Variants in KCNQ1OT1 observed in about 807,000 individuals in gnomAD.
KCNQ1OT1 encodes KCNQ1 antisense RNA 2 (non-protein coding).
At chr11:2,688,684 C>T (rs1166739249) in exon 1 of KCNQ1OT1, 7 of 398,990 alleles carry the variant, frequency 1.8e-5, no homozygotes, top group East Asian at 3.6e-5. Flanking sequence ...CCACACACCA[C>T]GTGCCTAGGC....
At chr11:2,685,166 C>T (rs1850462872) in exon 1 of KCNQ1OT1, 2 of 398,692 alleles carry the variant, frequency 5.0e-6, no homozygotes, top group Non-Finnish European at 8.8e-6. Context: ...GGAGAGGATC[C>T]CCATCTGCAT....
Position 2,612,520 on chromosome 11 carries a change from T to A in KCNQ1OT1, n.87475A>T, listed in dbSNP as rs1848998162. 2.5e-6 allele frequency: 1 copy of A among 398,516 alleles called. No homozygotes were observed. Among genetic ancestry groups the A allele is most frequent in the South Asian group, 1.3e-4 (1 of 7,862 alleles). 24.7% of individuals were successfully genotyped at this position (398,516 alleles called of 1,614,324 possible). ...GATTCTTTCTTCTGCCAGGTCAAAT[T>A]TGCTTAGCCGCACTAGTGAGTTTTT... is the stretch of plus-strand genomic sequence containing the variant. On this transcript the variant is annotated non_coding_transcript_exon_variant, in exon 1 of 1. Coordinates refer to ENST00000597346, the Ensembl canonical transcript of KCNQ1OT1. This position sits in a 1 kb window ranked among gnomAD's most constrained non-coding sequence, Gnocchi z 5.5.
Position 2,679,851 on chromosome 11 carries a change from A to AT in KCNQ1OT1, n.20143dup, listed in dbSNP as rs562062411. On this transcript the variant is annotated non_coding_transcript_exon_variant, in exon 1 of 1. Coordinates refer to ENST00000597346, the Ensembl canonical transcript of KCNQ1OT1. The surrounding 1 kb of genome is among the most constrained non-coding windows in gnomAD (Gnocchi z 4.8). ...TACTTCTGAATTTTATAGGACATGC[A>AT]TTTTTTTCATATAAACTTAGAACTA... is the stretch of plus-strand genomic sequence containing the variant. The AT allele has an allele frequency of 4.3e-5, 17 of 398,218 alleles. No homozygotes were observed. Among genetic ancestry groups the AT allele is most frequent in the Non-Finnish European group, 6.6e-5 (15 of 225,978 alleles). 24.7% of individuals were successfully genotyped at this position (398,218 alleles called of 1,614,324 possible).
exon 1 of KCNQ1OT1, chr11:2,641,208 C>A: frequency 2.5e-6 from 1 of 398,350 alleles, no homozygotes; most frequent in South Asian, 1.3e-4. Context: ...TGGATTATGT[C>A]ATATTTCTCT....
exon 1 of KCNQ1OT1, chr11:2,660,658 C>T (rs1849936156): frequency 2.5e-6 from 1 of 398,490 alleles, no homozygotes; most frequent in South Asian, 1.3e-4. Context: ...AGCAATGCCT[C>T]AGTTTTCATC....
chr11:2,615,237 A>C (rs1849042111), exon 1 of KCNQ1OT1: 3 of 397,988 alleles, frequency 7.5e-6, no homozygotes, highest in Admixed American at 4.4e-5. Flanking sequence ...ATTTTCTTAA[A>C]ATAAATGTTG....
exon 1 of KCNQ1OT1, chr11:2,619,954 T>C (rs1163563509): frequency 2.8e-6 from 1 of 351,030 alleles, no homozygotes; most frequent in Non-Finnish European, 4.9e-6. Flanking sequence ...GGAGTGTGGA[T>C]AAGCCTATCA....
At chr11:2,699,876 G>T in exon 1 of KCNQ1OT1, 2 of 395,862 alleles carry the variant, frequency 5.1e-6, no homozygotes, top group Non-Finnish European at 4.4e-6. Flanking sequence ...GTGCTGAGGA[G>T]CCCCGGGGAG....
At chr11:2,681,889 A>G in exon 1 of KCNQ1OT1, 1 of 398,596 alleles carries the variant, frequency 2.5e-6, no homozygotes. Context: ...AGGTGGGGAG[A>G]AAACACACCG....
Position 2,618,655 on chromosome 11 carries a change from T to C in KCNQ1OT1, n.81340A>G, listed in dbSNP as rs1301400195. 4 of 398,494 alleles carry C rather than the reference T, an allele frequency of 1.0e-5. No homozygotes were observed. The East Asian group carries it at 1.1e-4, about 11-fold the overall frequency. 24.7% of individuals were successfully genotyped at this position (398,494 alleles called of 1,614,324 possible). A position where few individuals can be genotyped will look rare whatever the true frequency, so the allele number is the denominator to read the frequency against. ...TCTCCCTTTGTTTTTCAGAACAGAA[T>C]TTTCAGAATTTCGTTGGCTACTTAA... On this transcript the variant is annotated non_coding_transcript_exon_variant, in exon 1 of 1. Transcript: ENST00000597346.
exon 1 of KCNQ1OT1, chr11:2,631,043 T>C (rs1032950723): frequency 1.8e-5 from 7 of 398,442 alleles, no homozygotes; most frequent in Non-Finnish European, 3.1e-5. Flanking sequence ...TTGATGGCAA[T>C]ATATCTAGGT....
At chr11:2,660,253 G>C in exon 1 of KCNQ1OT1, 1 of 398,086 alleles carries the variant, frequency 2.5e-6, no homozygotes. Flanking sequence ...TTGATCATCT[G>C]TCCTATCAGG....
In KCNQ1OT1 at chr11:2,617,183, ATATAT is replaced by A; in HGVS notation, n.82807_82811del. On this transcript the variant is annotated non_coding_transcript_exon_variant, in exon 1 of 1. Coordinates refer to ENST00000597346, the Ensembl canonical transcript of KCNQ1OT1. The surrounding 1 kb of genome is among the most constrained non-coding windows in gnomAD (Gnocchi z 4.6). The stretch of plus-strand genomic sequence containing the variant: ...TGAGATCTCTAGACTTGTTCATCCT[ATATAT>A]CTGCTACTTGGTATCCTTTGACCTA... 2 of 398,182 alleles carry A rather than the reference ATATAT, an allele frequency of 5.0e-6. No homozygotes were observed. Among genetic ancestry groups the A allele is most frequent in the Non-Finnish European group, 8.9e-6 (2 of 225,858 alleles). The allele number at this position is 398,182 out of a possible 1,614,324, so 24.7% of individuals were successfully genotyped here. A position where few individuals can be genotyped will look rare whatever the true frequency, so the allele number is the denominator to read the frequency against.
exon 1 of KCNQ1OT1, chr11:2,696,178 AC>A (rs1850672915): frequency 2.5e-6 from 1 of 398,344 alleles, no homozygotes. Flanking sequence ...CTGTTTAAGA[AC>A]CCCACGGCCA....
chr11:2,632,491 G>A (rs955090091), exon 1 of KCNQ1OT1: 1 of 398,138 alleles, frequency 2.5e-6, no homozygotes, highest in African/African-American at 2.1e-5. Flanking sequence ...TGCTCCTTGT[G>A]GGTTTTTCTT....
chr11:2,630,108 T>G (rs1212018679), exon 1 of KCNQ1OT1: 1 of 398,294 alleles, frequency 2.5e-6, no homozygotes, highest in African/African-American at 2.1e-5. Flanking sequence ...ACCTAATTTG[T>G]TCATAGTTTT....
exon 1 of KCNQ1OT1, chr11:2,614,692 GTGTT>G (rs1414605974): frequency 1.0e-5 from 4 of 398,430 alleles, no homozygotes; most frequent in Non-Finnish European, 1.3e-5. Flanking sequence ...ATATATGTGA[GTGTT>G]TATTTCTACA....
rs1849920525 is a variant in KCNQ1OT1 at position 2,659,900 on chromosome 11, T to C, written n.40095A>G. Reference sequence around the variant, plus strand: ...TTTTAAAATTGGATTGTTCACTTTATTGTCAAGTTGTAAGCATTCTTTATA... The same window carrying C: ...TTTTAAAATTGGATTGTTCACTTTACTGTCAAGTTGTAAGCATTCTTTATA... On this transcript the variant is annotated non_coding_transcript_exon_variant, in exon 1 of 1. Transcript: ENST00000597346. This position sits in a 1 kb window ranked among gnomAD's most constrained non-coding sequence, Gnocchi z 4.3. 2 of 398,376 alleles carry C rather than the reference T, an allele frequency of 5.0e-6. No homozygotes were observed. Among genetic ancestry groups the C allele is most frequent in the Non-Finnish European group, 8.8e-6 (2 of 226,000 alleles). 24.7% of individuals were successfully genotyped at this position (398,376 alleles called of 1,614,324 possible).
chr11:2,683,722 G>A lies in KCNQ1OT1; in HGVS notation n.16273C>T, dbSNP rs1042651167. 5.5e-5 allele frequency: 22 copies of A among 398,552 alleles called. No homozygotes were observed. The East Asian group carries it at 7.1e-4, about 13-fold the overall frequency. The allele number at this position is 398,552 out of a possible 1,614,324, so 24.7% of individuals were successfully genotyped here. On this transcript the variant is annotated non_coding_transcript_exon_variant, in exon 1 of 1. Coordinates refer to ENST00000597346, the Ensembl canonical transcript of KCNQ1OT1. This position sits in a 1 kb window ranked among gnomAD's most constrained non-coding sequence, Gnocchi z 4.7. ...ACTCAGGCCTTTCCTTACTCCCTCT[G>A]GTTACCTAGCTTTAGCTCTGAGGCA...
Sources: gnomAD v4.1 joint callset for allele counts on GRCh38, gnomAD v4.1.1 for gene constraint, Gnocchi (gnomAD v3.1) non-coding constraint, MANE v1.5 for transcripts, NCBI Gene and HGNC (gene_info 2026-07-23, HGNC 2026-07-21) for gene names.